The following PRR16 variants were observed in gnomAD, a reference collection of about 807,000 sequenced individuals.
The protein encoded by PRR16 is protein Largen.
Under a neutral mutation model 18.2 loss-of-function variants are expected in PRR16, and 6 were observed. The observed-to-expected ratio is 0.33, with a 90% confidence interval of 0.18 to 0.65. The LOEUF (loss-of-function observed/expected upper bound fraction) is 0.65, where lower values mean the gene tolerates loss of function less well. PRR16 is among the 30% of genes least tolerant of loss of function. The pLI, the probability that PRR16 is intolerant of heterozygous loss-of-function variation, is 0.74. For synonymous variants in PRR16, 151 were observed against 147.8 expected, an observed-to-expected ratio of 1.02 and a Z score of -0.16; for missense variants, 412 against 376.6, an observed-to-expected ratio of 1.09 and a Z score of -0.78.
chr5:120,552,479 T>C (rs1449772320), intron 1 of PRR16, among the ~76,000 whole-genome samples: 1 of 151,942 alleles, frequency 6.6e-6, no homozygotes, highest in Non-Finnish European at 1.5e-5. Flanking sequence ...CTATTTAGAA[T>C]TTATCCCATT....
the PRR16 span, chr5:120,781,297 A>G: frequency 3.3e-5 from 5 of 152,178 alleles, no homozygotes; most frequent in Admixed American, 6.5e-5. Context: ...TTTTTAAAAT[A>G]TAAGTTGTAT....
chr5:120,765,322 A>ATGAT, the PRR16 span, among the ~76,000 whole-genome samples: 1 of 152,028 alleles, frequency 6.6e-6, no homozygotes, highest in African/African-American at 2.4e-5. Flanking sequence ...TCTGTTTTTG[A>ATGAT]TGATTCAAAT....
intron 1 of PRR16, among the ~76,000 whole-genome samples, chr5:120,595,440 A>AT (rs1249406757): frequency 6.6e-6 from 1 of 151,660 alleles, no homozygotes; most frequent in Non-Finnish European, 1.5e-5. Context: ...AAGTCAAAAA[A>AT]AAAATAAAAA....
At chr5:120,516,780 A>C (rs1271387726) in intron 1 of PRR16, among the ~76,000 whole-genome samples, 5 of 152,160 alleles carry the variant, frequency 3.3e-5, no homozygotes, top group African/African-American at 1.2e-4. Flanking sequence ...AAAGGCAGAG[A>C]TATTTTGCAC....
the PRR16 span, among the ~76,000 whole-genome samples, chr5:120,770,861 C>T: frequency 6.6e-6 from 1 of 151,422 alleles, no homozygotes; most frequent in Non-Finnish European, 1.5e-5. Flanking sequence ...TTTGCAAGGA[C>T]ATACAACTCA....
At chr5:120,722,962 A>G in the PRR16 span, among the ~76,000 whole-genome samples, 2 of 151,490 alleles carry the variant, frequency 1.3e-5, no homozygotes, top group Non-Finnish European at 2.9e-5. Context: ...TAAGAATTAT[A>G]TATATAATAA....
At chr5:120,479,657 T>C (rs1430417564) in intron 1 of PRR16, among the ~76,000 whole-genome samples, 1 of 152,168 alleles carries the variant, frequency 6.6e-6, no homozygotes, top group Non-Finnish European at 1.5e-5. Context: ...AGAATATTAA[T>C]AGTTGCTAGC....
At chr5:120,583,419 G>T (rs1469392136) in intron 1 of PRR16, among the ~76,000 whole-genome samples, 1 of 151,884 alleles carries the variant, frequency 6.6e-6, no homozygotes, top group South Asian at 2.1e-4. Context: ...TAGAAAACCA[G>T]GTAGAAAACA....
chr5:120,791,619 C>T, the PRR16 span, among the ~76,000 whole-genome samples: 1 of 148,194 alleles, frequency 6.7e-6, no homozygotes, highest in South Asian at 2.1e-4. Context: ...ATCTATCTAT[C>T]TATCCATCCA....
chr5:120,497,659 G>A (rs980193694), intron 1 of PRR16, among the ~76,000 whole-genome samples: 5 of 151,768 alleles, frequency 3.3e-5, no homozygotes, highest in Non-Finnish European at 5.9e-5. Context: ...AAAGTCCTGG[G>A]ATTACAGGCG....
At chr5:120,767,870 ACTT>A in the PRR16 span, among the ~76,000 whole-genome samples, 3 of 151,864 alleles carry the variant, frequency 2.0e-5, no homozygotes, top group African/African-American at 7.2e-5. Flanking sequence ...AAAATTCACA[ACTT>A]AGAGTGACTG....
intron 1 of PRR16, among the ~76,000 whole-genome samples, chr5:120,654,288 A>G (rs998434218): frequency 6.6e-6 from 1 of 152,022 alleles, no homozygotes; most frequent in Non-Finnish European, 1.5e-5. Flanking sequence ...CTTCTAACTC[A>G]TTCAAGCTCC....
At chr5:120,781,310 G>T in the PRR16 span, 5 of 152,056 alleles carry the variant, frequency 3.3e-5, no homozygotes, top group Non-Finnish European at 5.9e-5. Flanking sequence ...AGTTGTATGT[G>T]ACATAGAAGC....
intron 1 of PRR16, among the ~76,000 whole-genome samples, chr5:120,556,254 TA>T (rs1752408960): frequency 6.8e-6 from 1 of 147,524 alleles, no homozygotes; most frequent in Non-Finnish European, 1.5e-5. Flanking sequence ...TTTTTTTTTG[TA>T]CCATGCTATC....
intron 1 of PRR16, among the ~76,000 whole-genome samples, chr5:120,530,704 G>A (rs1331927770): frequency 6.6e-6 from 1 of 152,112 alleles, no homozygotes; most frequent in Non-Finnish European, 1.5e-5. Flanking sequence ...AGGTATAGGA[G>A]ATATTGGGGA....
intron 1 of PRR16, among the ~76,000 whole-genome samples, chr5:120,521,752 A>G (rs1190107472): frequency 1.3e-5 from 2 of 152,030 alleles, no homozygotes; most frequent in African/African-American, 4.8e-5. Context: ...TACATGTGCC[A>G]TGTTGGTGTG....
At chr5:120,678,077 T>C (rs1269406056) in intron 1 of PRR16, among the ~76,000 whole-genome samples, 1 of 151,894 alleles carries the variant, frequency 6.6e-6, no homozygotes, top group Admixed American at 6.6e-5. Context: ...GCCTGGCTAA[T>C]TTTTTGTATT....
intron 1 of PRR16, among the ~76,000 whole-genome samples, chr5:120,516,927 C>T (rs2112645453): frequency 1.3e-5 from 2 of 152,264 alleles, no homozygotes; most frequent in Middle Eastern, 3.4e-3. Flanking sequence ...GCCACTGAGT[C>T]ACCTGTGGCA....
intron 1 of PRR16, among the ~76,000 whole-genome samples, chr5:120,483,325 A>G (rs1749682954): frequency 6.6e-6 from 1 of 152,140 alleles, no homozygotes; most frequent in Non-Finnish European, 1.5e-5. Context: ...TAAATCTATG[A>G]TGAAAAAAAA....
Sources: gnomAD v4.1 joint callset for allele counts (sites outside exome capture counted in the v4.1 genomes callset) on GRCh38, gnomAD v4.1.1 for gene constraint, MANE v1.5 for transcripts, NCBI Gene and HGNC (gene_info 2026-07-23, HGNC 2026-07-21) for gene names.